The following ZBTB16 variants were observed in gnomAD, a reference collection of about 807,000 sequenced individuals.
ZBTB16 encodes zinc finger and BTB domain-containing protein 16.
In ZBTB16, 8 loss-of-function variants were observed where a neutral mutation model predicts 56.8. The ratio of observed to expected loss-of-function variants is 0.14; its 90% CI spans 0.08 to 0.25. The LOEUF (loss-of-function observed/expected upper bound fraction) is 0.25, where lower values mean the gene tolerates loss of function less well. ZBTB16 is among the 10% of genes least tolerant of loss of function. ZBTB16 has a pLI of 1.00. For missense variants in ZBTB16, 625 were observed against 903.0 expected, an observed-to-expected ratio of 0.69 and a Z score of 3.95; for synonymous variants, 363 against 368.5, an observed-to-expected ratio of 0.98 and a Z score of 0.17.
chr11:114,233,081 G>GCACACACACACACA (rs1198148768), intron 4 of ZBTB16, among the ~76,000 whole-genome samples: 16 of 87,478 alleles, frequency 1.8e-4, no homozygotes, highest in African/African-American at 5.7e-4. Flanking sequence ...GCGCGCGCGC[G>GCACACACACACACA]CACACACACA....
In ZBTB16 at chr11:114,060,033, C is replaced by T. The variant is rs1211409794; in HGVS notation, c.-91+151C>T. Reference sequence around the variant, plus strand: ...TTTATTTGGCGTGTTCCCTTCCTGCCGCTGCAGCCGTCGCCGCCACCGGTT... The same window carrying T: ...TTTATTTGGCGTGTTCCCTTCCTGCTGCTGCAGCCGTCGCCGCCACCGGTT... On this transcript the variant is annotated intron_variant, in intron 1 of 6. Transcript: ENST00000335953. This position sits in a 1 kb window ranked among gnomAD's most constrained non-coding sequence, Gnocchi z 6.0. Among the ~76,000 whole-genome samples, 1 of 152,146 alleles carries T rather than the reference C, an allele frequency of 6.6e-6. No individual in the cohort carries two copies. The highest frequency in any genetic ancestry group is 1.5e-5 in the Non-Finnish European group (1 of 68,024).
intron 2 of ZBTB16, among the ~76,000 whole-genome samples, chr11:114,067,519 G>A (rs766747363): frequency 1.1e-4 from 16 of 152,102 alleles, no homozygotes; most frequent in Admixed American, 2.0e-4. Flanking sequence ...TGATTCTCCT[G>A]CCTCAGCCTC....
At chr11:114,131,966 A>G (rs548848772) in intron 2 of ZBTB16, among the ~76,000 whole-genome samples, 2 of 152,300 alleles carry the variant, frequency 1.3e-5, no homozygotes, top group Non-Finnish European at 2.9e-5. Context: ...ATGAGTTCAC[A>G]TACCAAAAAA....
intron 2 of ZBTB16, among the ~76,000 whole-genome samples, chr11:114,130,113 CT>C (rs1233776548): frequency 6.6e-6 from 1 of 152,152 alleles, no homozygotes; most frequent in Admixed American, 6.5e-5. Context: ...CGAAAAGTTT[CT>C]GCTTGTTAGC....
intron 4 of ZBTB16, among the ~76,000 whole-genome samples, chr11:114,199,840 C>T (rs1943694743): frequency 6.6e-6 from 1 of 152,080 alleles, no homozygotes. Flanking sequence ...TAAAACCATA[C>T]ATGTGGGGCC....
At chr11:114,175,534 G>A (rs1033135168) in intron 3 of ZBTB16, among the ~76,000 whole-genome samples, 9 of 151,478 alleles carry the variant, frequency 5.9e-5, no homozygotes, top group African/African-American at 1.5e-4. Flanking sequence ...TCAGCTCAAC[G>A]CAACCTCCTC....
chr11:114,076,110 G>A (rs1939555365), intron 2 of ZBTB16, among the ~76,000 whole-genome samples: 1 of 152,158 alleles, frequency 6.6e-6, no homozygotes, highest in Admixed American at 6.5e-5. Context: ...CACTTTCGGG[G>A]AAAGCATGCC....
At position 114,250,129 on chromosome 11, in the gene ZBTB16, G is replaced by A. The variant is rs1944892166; in HGVS notation, c.1793-197G>A. 2.6e-5 allele frequency among the ~76,000 whole-genome samples: 4 copies of A among 152,216 alleles called. No homozygotes were observed. The highest frequency in any genetic ancestry group is 1.3e-4 in the Admixed American group (2 of 15,286). On this transcript the variant is annotated intron_variant, in intron 6 of 6. Coordinates refer to ENST00000335953, the MANE Select transcript of ZBTB16 (RefSeq NM_006006.6). The surrounding 1 kb of genome is among the most constrained non-coding windows in gnomAD (Gnocchi z 6.0). ...AAAATTAGAAAACTGTAGAGCTGCA[G>A]TCGCACCAGCCTCATTCATAGCCAT...
At chr11:114,154,807 C>CA (rs1458095759) in intron 2 of ZBTB16, among the ~76,000 whole-genome samples, 1 of 152,066 alleles carries the variant, frequency 6.6e-6, no homozygotes, top group Non-Finnish European at 1.5e-5. Context: ...AGCATGCAAA[C>CA]AAAACAATGT....
At chr11:114,209,430 C>A (rs1319314938) in intron 4 of ZBTB16, 21 of 985,342 alleles carry the variant, frequency 2.1e-5, no homozygotes, top group Non-Finnish European at 2.4e-5. Flanking sequence ...AAACAGGAGA[C>A]CCCGGTGCCT....
chr11:114,085,643 G>A (rs1462809840), intron 2 of ZBTB16, among the ~76,000 whole-genome samples: 1 of 152,148 alleles, frequency 6.6e-6, no homozygotes, highest in Non-Finnish European at 1.5e-5. Context: ...GGTAGCATTT[G>A]GCCAGGTTTT....
At chr11:114,167,227 T>G (rs112817280) in intron 3 of ZBTB16, among the ~76,000 whole-genome samples, 837 of 72,324 alleles carry the variant, frequency 0.012, 14 homozygotes, top group African/African-American at 0.051. Context: ...TTTTTTTTTT[T>G]TTTGGTTTTT....
chr11:114,223,338 G>C (rs1944272990), intron 4 of ZBTB16, among the ~76,000 whole-genome samples: 2 of 152,182 alleles, frequency 1.3e-5, no homozygotes, highest in South Asian at 4.1e-4. Context: ...TAAAAGATAT[G>C]GGAATATACG....
rs1447217529 is a variant in ZBTB16, at chr11:114,253,799, C to G, written c.*3244C>G. On this transcript the variant is annotated 3_prime_UTR_variant, in exon 7 of 7. Transcript: ENST00000335953. ...AGTGGCCAGGGGGCAAGCTAAGAGGCTGTCTGGAGGCTTTATATGTGTCTG... is the reference window on the plus strand; with the variant it reads ...AGTGGCCAGGGGGCAAGCTAAGAGGGTGTCTGGAGGCTTTATATGTGTCTG... 6.6e-6 allele frequency among the ~76,000 whole-genome samples: 1 copy of G among 152,220 alleles called. No individual in the cohort carries two copies. Among genetic ancestry groups the G allele is most frequent in the Admixed American group, 6.5e-5 (1 of 15,290 alleles).
intron 4 of ZBTB16, among the ~76,000 whole-genome samples, chr11:114,235,693 T>TCTTTCTTTTTCTTTCTA (rs10669266): frequency 7.0e-5 from 8 of 114,388 alleles, no homozygotes; most frequent in Admixed American, 1.9e-4. Flanking sequence ...TTTCTTTCTT[T>TCTTTCTTTTTCTTTCTA]TCTTTCTTTC....
Position 114,251,151 on chromosome 11 carries a change from C to T in ZBTB16, c.*596C>T, listed in dbSNP as rs1386239962. ...CCTCTGCTTTGCCACATCTGGGTGTCCCCCGGTGGTCTCTGAGAGCCTCAG... is the reference window on the plus strand; with the variant it reads ...CCTCTGCTTTGCCACATCTGGGTGTTCCCCGGTGGTCTCTGAGAGCCTCAG... On this transcript the variant is annotated 3_prime_UTR_variant, in exon 7 of 7. Coordinates refer to ENST00000335953, the MANE Select transcript of ZBTB16 (RefSeq NM_006006.6). Among the ~76,000 whole-genome samples the T allele has an allele frequency of 6.6e-6, 1 of 152,146 alleles. No individual in the cohort carries two copies.
chr11:114,063,496 A>T lies in ZBTB16; in HGVS notation c.196A>T (p.Asn66Tyr), dbSNP rs1458297420. The T allele has an allele frequency of 6.2e-7, 1 of 1,614,234 alleles. No individual in the cohort carries two copies. The highest frequency in any genetic ancestry group is 2.2e-5 in the East Asian group (1 of 44,886). ...SKMFEILFHRNSQHYTLDFLS... is the reference protein window; with the variant it reads ...SKMFEILFHRYSQHYTLDFLS... The stretch of plus-strand genomic sequence containing the variant: ...GATGTTTGAGATCCTCTTCCACCGC[A>T]ATAGTCAACACTATACTTTGGACTT... Residue 66 changes from asparagine to tyrosine, a missense_variant, in exon 2 of 7, where the codon AAT becomes TAT. By Grantham distance (143) the Asn-to-Tyr change is moderately radical. Transcript: ENST00000335953. The surrounding 1 kb of genome is among the most constrained non-coding windows in gnomAD (Gnocchi z 6.5).
intron 2 of ZBTB16, among the ~76,000 whole-genome samples, chr11:114,111,318 T>A (rs1002776923): frequency 6.6e-6 from 1 of 152,178 alleles, no homozygotes; most frequent in African/African-American, 2.4e-5. Flanking sequence ...TAAGCACTAG[T>A]TTGAAAATTA....
intron 4 of ZBTB16, among the ~76,000 whole-genome samples, chr11:114,198,431 C>T (rs1294258808): frequency 2.6e-5 from 4 of 152,132 alleles, no homozygotes; most frequent in African/African-American, 4.8e-5. Context: ...TGTGCTGGAG[C>T]TGCTTGCTGT....
Sources: allele counts gnomAD v4.1 joint callset (sites outside exome capture counted in the v4.1 genomes callset), GRCh38; gene constraint gnomAD v4.1.1; non-coding constraint Gnocchi (gnomAD v3.1); transcripts MANE v1.5; gene names NCBI Gene and HGNC (gene_info 2026-07-23, HGNC 2026-07-21).